The following MAPK10 variants were observed in gnomAD, a reference collection of about 807,000 sequenced individuals.
MAPK10 encodes mitogen-activated protein kinase 10.
A neutral mutation model predicts 59.3 loss-of-function variants in MAPK10; 25 were observed. The ratio of observed to expected loss-of-function variants is 0.42; its 90% CI spans 0.31 to 0.59. The LOEUF (loss-of-function observed/expected upper bound fraction) is 0.59. MAPK10 is among the 20% of genes least tolerant of loss of function. MAPK10 has a pLI of 0.15. For missense variants in MAPK10, 351 were observed against 568.9 expected (o/e 0.62, Z 3.90); for synonymous variants, 190 against 200.5 (o/e 0.95, Z 0.44).
chr4:86,255,542 A>G (rs1718225070), intron 2 of MAPK10, among the ~76,000 whole-genome samples: 1 of 152,158 alleles, frequency 6.6e-6, no homozygotes, highest in South Asian at 2.1e-4. Flanking sequence ...CTAGGCTGGG[A>G]ACTTTGGAGA....
chr4:86,350,250 T>C (rs1295829576), intron 2 of MAPK10, among the ~76,000 whole-genome samples: 2 of 151,748 alleles, frequency 1.3e-5, no homozygotes, highest in African/African-American at 4.8e-5. Context: ...AGTCTCACTC[T>C]GTCGCCCAGG....
At chr4:86,428,605 T>TA (rs1747618693) in intron 1 of MAPK10, among the ~76,000 whole-genome samples, 1 of 152,212 alleles carries the variant, frequency 6.6e-6, no homozygotes, top group South Asian at 2.1e-4. Context: ...GATAGACAAC[T>TA]TTTCTCATTT....
intron 2 of MAPK10, among the ~76,000 whole-genome samples, chr4:86,349,505 A>G (rs1438980935): frequency 6.6e-6 from 1 of 152,218 alleles, no homozygotes; most frequent in East Asian, 1.9e-4. Flanking sequence ...CCCCCTGGCT[A>G]AGGTGGGAGG....
chr4:86,037,133 A>T (rs1226903793), intron 11 of MAPK10, among the ~76,000 whole-genome samples: 1 of 152,188 alleles, frequency 6.6e-6, no homozygotes, highest in Non-Finnish European at 1.5e-5. Context: ...TAGTTGAAAA[A>T]TATGGATTCT....
intron 1 of MAPK10, among the ~76,000 whole-genome samples, chr4:86,372,577 A>G (rs867982649): frequency 4.3e-4 from 52 of 121,558 alleles, no homozygotes; most frequent in South Asian, 1.1e-3. Flanking sequence ...AGAAAAGAAA[A>G]GAAAAGAAAA....
At chr4:86,431,871 G>A (rs1748088883) in intron 1 of MAPK10, among the ~76,000 whole-genome samples, 1 of 152,150 alleles carries the variant, frequency 6.6e-6, no homozygotes, top group South Asian at 2.1e-4. Flanking sequence ...ATCCGAGGGT[G>A]GAGTTTTCAG....
At chr4:86,545,479 A>G (rs1327741219) in intron 1 of MAPK10, among the ~76,000 whole-genome samples, 1 of 152,176 alleles carries the variant, frequency 6.6e-6, no homozygotes, top group African/African-American at 2.4e-5. Context: ...CCGTGACGAA[A>G]AGACCTCAGA....
chr4:86,134,809 C>T (rs866714743), intron 4 of MAPK10, among the ~76,000 whole-genome samples: 17 of 152,238 alleles, frequency 1.1e-4, no homozygotes, highest in Admixed American at 7.8e-4. Context: ...AGACGGTGGG[C>T]GCAGGTCAGT....
intron 4 of MAPK10, among the ~76,000 whole-genome samples, chr4:86,140,874 G>T (rs1454359171): frequency 6.6e-6 from 1 of 151,974 alleles, no homozygotes; most frequent in African/African-American, 2.4e-5. Context: ...CTTACTAGAT[G>T]CACAATAAAT....
intron 2 of MAPK10, among the ~76,000 whole-genome samples, chr4:86,201,805 A>T (rs1352894474): frequency 6.6e-6 from 1 of 151,636 alleles, no homozygotes; most frequent in African/African-American, 2.4e-5. Context: ...TGAAGCTTTA[A>T]ATCGTCTTTT....
chr4:86,410,382 G>A (rs913598330), intron 1 of MAPK10, among the ~76,000 whole-genome samples: 1 of 152,152 alleles, frequency 6.6e-6, no homozygotes, highest in African/African-American at 2.4e-5. Context: ...TTGTGTCTCT[G>A]CCAGACTTTT....
intron 1 of MAPK10, among the ~76,000 whole-genome samples, chr4:86,432,547 T>C (rs1456659411): frequency 1.3e-5 from 2 of 152,204 alleles, no homozygotes; most frequent in Non-Finnish European, 2.9e-5. Context: ...CCCAAAGTCC[T>C]GGGATTACAG....
chr4:86,065,343 A>C (rs1306121819), intron 10 of MAPK10: 4 of 152,344 alleles, frequency 2.6e-5, no homozygotes, highest in Non-Finnish European at 5.9e-5. Context: ...TGACTTGATG[A>C]AATCCAGTAG....
At chr4:86,488,343 T>G (rs1182379502) in intron 1 of MAPK10, among the ~76,000 whole-genome samples, 1 of 152,182 alleles carries the variant, frequency 6.6e-6, no homozygotes, top group Non-Finnish European at 1.5e-5. Flanking sequence ...AAATGATACC[T>G]TTTCATCAAT....
At chr4:86,449,676 G>A (rs1488024533) in intron 1 of MAPK10, among the ~76,000 whole-genome samples, 1 of 152,198 alleles carries the variant, frequency 6.6e-6, no homozygotes, top group Non-Finnish European at 1.5e-5. Flanking sequence ...TTGCTTTTTA[G>A]CCAATAGAAT....
chr4:86,346,874 A>G (rs1430303152), intron 2 of MAPK10, among the ~76,000 whole-genome samples: 1 of 152,164 alleles, frequency 6.6e-6, no homozygotes, highest in African/African-American at 2.4e-5. Context: ...GGGAATGAGT[A>G]CAATATTATA....
chr4:86,287,776 G>A (rs1409180711), intron 2 of MAPK10, among the ~76,000 whole-genome samples: 1 of 152,190 alleles, frequency 6.6e-6, no homozygotes, highest in East Asian at 1.9e-4. Flanking sequence ...GGTATCTGGA[G>A]TAAAGATACA....
At chr4:86,449,945 G>A (rs1001505722) in intron 1 of MAPK10, among the ~76,000 whole-genome samples, 1 of 152,144 alleles carries the variant, frequency 6.6e-6, no homozygotes, top group African/African-American at 2.4e-5. Flanking sequence ...TCAGGAGCCT[G>A]CATTTTGCCA....
intron 4 of MAPK10, among the ~76,000 whole-genome samples, chr4:86,127,197 G>T (rs2060208263): frequency 1.3e-5 from 1 of 77,754 alleles, no homozygotes. Context: ...AATTAAGTTA[G>T]CTTAATTAAA....
Sources: allele counts gnomAD v4.1 joint callset (sites outside exome capture counted in the v4.1 genomes callset), GRCh38; gene constraint gnomAD v4.1.1; transcripts MANE v1.5; gene names NCBI Gene and HGNC (gene_info 2026-07-23, HGNC 2026-07-21).